Variants in GRIN2B observed in about 807,000 individuals in gnomAD.
GRIN2B encodes glutamate receptor ionotropic, NMDA 2B.
GRIN2B carries 5 observed loss-of-function variants against 114.5 expected under a neutral mutation model. That is an observed-to-expected ratio of 0.04 (90% CI 0.02 to 0.09). The LOEUF is 0.09. Ranked by LOEUF, GRIN2B falls within the 10% of genes least tolerant of loss-of-function variation. The pLI, the probability that GRIN2B is intolerant of heterozygous loss-of-function variation, is 1.00. For missense variants in GRIN2B, 1,108 were observed against 1,943.5 expected (o/e 0.57, Z 8.08); for synonymous variants, 787 against 745.1 (o/e 1.06, Z -0.92).
intron 2 of GRIN2B, among the ~76,000 whole-genome samples, chr12:13,936,154 C>T (rs1208992120): frequency 6.6e-6 from 1 of 152,100 alleles, no homozygotes; most frequent in African/African-American, 2.4e-5. Context: ...GTTATACATG[C>T]GCAGGGAAAG....
Position 13,539,203 on chromosome 12 carries a change from C to G in GRIN2B, c.*23580G>C, listed in dbSNP as rs377606711. On this transcript the variant is annotated 3_prime_UTR_variant, in exon 14 of 14. Transcript: ENST00000609686. ...TAACAATACATTATCCTGGGAGATT[C>G]CTGGAACTAGGGATTAGCCCTGCTG... is the stretch of plus-strand genomic sequence containing the variant. 1 of 152,200 alleles carries G rather than the reference C, an allele frequency of 6.6e-6. No homozygotes were observed. The highest frequency in any genetic ancestry group is 6.5e-5 in the Admixed American group (1 of 15,280). 9.4% of individuals were successfully genotyped at this position (152,200 alleles called of 1,614,324 possible). A position where few individuals can be genotyped will look rare whatever the true frequency, so the allele number is the denominator to read the frequency against.
chr12:13,826,299 C>T (rs1010629731), intron 3 of GRIN2B, among the ~76,000 whole-genome samples: 4 of 151,912 alleles, frequency 2.6e-5, no homozygotes, highest in African/African-American at 7.3e-5. Context: ...AGAGAAACCC[C>T]GTCTCTAATA....
At chr12:13,731,390 G>T (rs1258278649) in intron 4 of GRIN2B, among the ~76,000 whole-genome samples, 1 of 152,092 alleles carries the variant, frequency 6.6e-6, no homozygotes, top group Non-Finnish European at 1.5e-5. Context: ...ATAAGGTCAG[G>T]AGATCAAGAC....
At chr12:13,819,692 A>G (rs1346440935) in intron 3 of GRIN2B, among the ~76,000 whole-genome samples, 2 of 152,160 alleles carry the variant, frequency 1.3e-5, no homozygotes, top group Non-Finnish European at 2.9e-5. Context: ...AAGACTACAA[A>G]CAGTTTTACA....
chr12:13,922,222 GA>G (rs1463087382), intron 2 of GRIN2B, among the ~76,000 whole-genome samples: 3 of 152,204 alleles, frequency 2.0e-5, no homozygotes, highest in Non-Finnish European at 4.4e-5. Context: ...CAATGGTTCA[GA>G]GAGCACTAAA....
At chr12:13,613,541 G>A (rs1428138821) in intron 8 of GRIN2B, among the ~76,000 whole-genome samples, 1 of 151,940 alleles carries the variant, frequency 6.6e-6, no homozygotes, top group East Asian at 1.9e-4. Flanking sequence ...ATTGCTCTTT[G>A]TCCCCCCATG....
chr12:13,788,932 A>C (rs930327328), intron 3 of GRIN2B, among the ~76,000 whole-genome samples: 3 of 152,168 alleles, frequency 2.0e-5, no homozygotes, highest in African/African-American at 7.2e-5. Context: ...GAAACTGGCA[A>C]TGGAGATACA....
At chr12:13,921,743 A>G (rs938978468) in intron 2 of GRIN2B, among the ~76,000 whole-genome samples, 4 of 152,142 alleles carry the variant, frequency 2.6e-5, no homozygotes, top group Non-Finnish European at 5.9e-5. Flanking sequence ...CTGGGATGCC[A>G]GATCCTTGGT....
chr12:13,960,720 C>A (rs1031667063), intron 2 of GRIN2B, among the ~76,000 whole-genome samples: 4 of 152,184 alleles, frequency 2.6e-5, no homozygotes, highest in Non-Finnish European at 4.4e-5. Context: ...GAAAACAGAA[C>A]TTCCTGATGT....
chr12:13,875,383 C>T (rs1349593792), intron 2 of GRIN2B, among the ~76,000 whole-genome samples: 1 of 151,932 alleles, frequency 6.6e-6, no homozygotes, highest in African/African-American at 2.4e-5. Context: ...AAAAATTAGC[C>T]GGGCATGGTG....
chr12:13,641,440 T>A (rs962631714), intron 5 of GRIN2B, among the ~76,000 whole-genome samples: 1 of 152,144 alleles, frequency 6.6e-6, no homozygotes, highest in Admixed American at 6.6e-5. Context: ...TGACTTGCCA[T>A]TTCCATGTCT....
At chr12:13,638,616 C>T (rs1333725563) in intron 5 of GRIN2B, among the ~76,000 whole-genome samples, 1 of 152,122 alleles carries the variant, frequency 6.6e-6, no homozygotes, top group Non-Finnish European at 1.5e-5. Flanking sequence ...ATTCAATGTA[C>T]CTCTGGAGGT....
intron 2 of GRIN2B, among the ~76,000 whole-genome samples, chr12:13,930,323 A>G (rs531204009): frequency 6.6e-6 from 1 of 152,312 alleles, no homozygotes; most frequent in African/African-American, 2.4e-5. Context: ...CTTGATTTCA[A>G]TGGGGGCATT....
At chr12:13,948,587 T>C (rs1227581562) in intron 2 of GRIN2B, among the ~76,000 whole-genome samples, 1 of 152,108 alleles carries the variant, frequency 6.6e-6, no homozygotes, top group South Asian at 2.1e-4. Flanking sequence ...CACTGGTGAC[T>C]TAACAAAGAC....
chr12:13,641,981 A>C (rs1342310983), intron 5 of GRIN2B, among the ~76,000 whole-genome samples: 3 of 152,156 alleles, frequency 2.0e-5, no homozygotes, highest in Non-Finnish European at 2.9e-5. Flanking sequence ...TGAGGTCAGG[A>C]GCTCGAGACC....
chr12:13,580,105 G>C (rs1266510071), intron 10 of GRIN2B, among the ~76,000 whole-genome samples: 1 of 152,228 alleles, frequency 6.6e-6, no homozygotes, highest in Non-Finnish European at 1.5e-5. Flanking sequence ...CCTAAATACT[G>C]ATGGTGTCAA....
At chr12:13,757,141 G>A (rs567545663) in intron 3 of GRIN2B, among the ~76,000 whole-genome samples, 1 of 152,182 alleles carries the variant, frequency 6.6e-6, no homozygotes, top group Non-Finnish European at 1.5e-5. Flanking sequence ...ATTAAATAAG[G>A]ATGCTTTATA....
intron 3 of GRIN2B, among the ~76,000 whole-genome samples, chr12:13,784,993 T>C (rs1864198471): frequency 6.6e-6 from 1 of 152,262 alleles, no homozygotes; most frequent in African/African-American, 2.4e-5. Flanking sequence ...TATATAACAA[T>C]AGCAAACTAA....
intron 3 of GRIN2B, among the ~76,000 whole-genome samples, chr12:13,787,577 G>C (rs1864242000): frequency 6.6e-6 from 1 of 151,948 alleles, no homozygotes; most frequent in Non-Finnish European, 1.5e-5. Flanking sequence ...AGATCTCATG[G>C]GCGGAAGAAA....
Sources: gnomAD v4.1 joint callset for allele counts (sites outside exome capture counted in the v4.1 genomes callset) on GRCh38, gnomAD v4.1.1 for gene constraint, MANE v1.5 for transcripts, NCBI Gene and HGNC (gene_info 2026-07-23, HGNC 2026-07-21) for gene names.